The following PRKDC variants were observed in gnomAD, a reference collection of about 807,000 sequenced individuals.
PRKDC encodes protein kinase, DNA-activated, catalytic subunit, also known as DNA-dependent protein kinase catalytic subunit.
Under a neutral mutation model 486.9 loss-of-function variants are expected in PRKDC, and 82 were observed. The ratio of observed to expected loss-of-function variants is 0.17; its 90% CI spans 0.14 to 0.20. The LOEUF (loss-of-function observed/expected upper bound fraction) is 0.20, where lower values mean the gene tolerates loss of function less well. Ranked by LOEUF, PRKDC falls within the 10% of genes least tolerant of loss-of-function variation. PRKDC has a pLI of 1.00. For missense variants in PRKDC, 4,504 were observed against 5,038.2 expected (o/e 0.89, Z 3.21); for synonymous variants, 1,895 against 1,837.0 (o/e 1.03, Z -0.81).
chr8:47,894,751 A>G (rs1386109628), intron 30 of PRKDC, among the ~76,000 whole-genome samples: 1 of 152,182 alleles, frequency 6.6e-6, no homozygotes, highest in Non-Finnish European at 1.5e-5. Flanking sequence ...TGAGCTAAAG[A>G]GACACCTGAC....
chr8:47,897,396 T>C, intron 29 of PRKDC, 102 bp from the exon 30 acceptor site: 4 of 1,174,720 alleles, frequency 3.4e-6, no homozygotes, highest in Non-Finnish European at 4.5e-6. Flanking sequence ...CACAGATATA[T>C]GTAGAAATCT....
intron 49 of PRKDC, 95 bp from the exon 50 acceptor site, chr8:47,855,468 T>C (rs1283714786): frequency 5.4e-6 from 7 of 1,293,552 alleles, no homozygotes; most frequent in Non-Finnish European, 7.3e-6. Context: ...ATCTGGCATT[T>C]TACAGGAGTC....
At chr8:47,834,988 C>A (rs1407154439) in intron 58 of PRKDC, among the ~76,000 whole-genome samples, 3 of 152,056 alleles carry the variant, frequency 2.0e-5, no homozygotes, top group Admixed American at 2.0e-4. Flanking sequence ...CAGCGCCCGG[C>A]CCCCTGACTT....
At position 47,904,164 on chromosome 8, in the gene PRKDC, A is replaced by C. The variant is rs1277326137; in HGVS notation, c.3042+705T>G. Among the ~76,000 whole-genome samples the C allele has an allele frequency of 5.9e-5, 9 of 152,196 alleles. No individual in the cohort carries two copies. In the South Asian group the frequency reaches 1.9e-3, roughly 32 times the overall value. On this transcript the variant is annotated intron_variant, in intron 26 of 85. Coordinates refer to ENST00000314191, the MANE Select transcript of PRKDC (RefSeq NM_006904.7). The stretch of plus-strand genomic sequence containing the variant: ...TAAGACAATGCTTCTCCGTGTCAGG[A>C]GAGTTCTGTGTAAAAGGTGAACTGC...
chr8:47,858,195 GCTTTT>G (rs1374513307), intron 48 of PRKDC, among the ~76,000 whole-genome samples: 6 of 148,136 alleles, frequency 4.1e-5, no homozygotes, highest in African/African-American at 1.5e-4. Context: ...TCCACCCCCC[GCTTTT>G]TTTTTTCCTA....
chr8:47,868,463 C>A (rs892428643), intron 40 of PRKDC, among the ~76,000 whole-genome samples: 2 of 151,768 alleles, frequency 1.3e-5, no homozygotes, highest in Non-Finnish European at 2.9e-5. Flanking sequence ...AGCTACTAGG[C>A]AGGCTGAAGG....
chr8:47,823,870 C>T lies in PRKDC; in HGVS notation c.8910G>A (p.Lys2970=), dbSNP rs763115960. The T allele has an allele frequency of 6.2e-7, 1 of 1,613,774 alleles. No individual in the cohort carries two copies. The highest frequency in any genetic ancestry group is 8.5e-7 in the Non-Finnish European group (1 of 1,179,800). ...EARSDYSEAA[K]QYDEALNKQD... ...AGATCAATTTTACCTCATCATACTG[C>T]TTAGCAGCTTCAGAATAATCACTTC... Residue 2970 remains lysine, a synonymous_variant, in exon 64 of 86, where the codon AAG becomes AAA. Transcript: ENST00000314191.
intron 15 of PRKDC, 62 bp from the exon 16 acceptor site, chr8:47,933,234 A>G: frequency 1.5e-6 from 2 of 1,324,362 alleles, no homozygotes; most frequent in Non-Finnish European, 2.0e-6. Context: ...AGTATTTTAT[A>G]AGCATTAAGA....
chr8:47,885,788 A>T (rs561380169), intron 36 of PRKDC, among the ~76,000 whole-genome samples, 156 bp downstream of exon 36: 1 of 152,254 alleles, frequency 6.6e-6, no homozygotes, highest in African/African-American at 2.4e-5. Flanking sequence ...GCTACTCGGG[A>T]GGCTGAGGCA....
intron 76 of PRKDC, among the ~76,000 whole-genome samples, chr8:47,787,654 G>A (rs1344404662): frequency 6.6e-6 from 1 of 152,224 alleles, no homozygotes; most frequent in Non-Finnish European, 1.5e-5. Context: ...ATCAGGTGCT[G>A]CTGCAGGGGT....
At position 47,776,913 on chromosome 8, in the gene PRKDC, C is replaced by A. The variant is rs373421936; in HGVS notation, c.12113G>T (p.Trp4038Leu). The change falls in exon 85 of 86, where the codon TGG (tryptophan) becomes TTG (leucine). Residue 4038 changes from tryptophan to leucine, a missense_variant. Transcript: ENST00000314191. ...GTAACATATTTTCTGTCGGGGGTAC[C>A]AATTTTTTTCAGCAACATTTATTTC... ...IQEINVAEKNWYPRQKICYAK... is the reference protein window; with the variant it reads ...IQEINVAEKNLYPRQKICYAK... The A allele has an allele frequency of 6.2e-6, 10 of 1,613,718 alleles. No individual in the cohort carries two copies. The African/African-American group carries it at 1.3e-4, about 22-fold the overall frequency.
intron 74 of PRKDC, among the ~76,000 whole-genome samples, chr8:47,792,297 C>T (rs1361305983): frequency 6.9e-6 from 1 of 144,378 alleles, no homozygotes; most frequent in Non-Finnish European, 1.5e-5. Flanking sequence ...TTTGCTCTGT[C>T]ACCCAGGCTG....
rs536883713 is a variant in PRKDC, at chr8:47,877,641, C to CT, written c.5363+82dup. On this transcript the variant is annotated intron_variant, in intron 40 of 85. Transcript: ENST00000314191. Reference sequence around the variant, plus strand: ...TAGCAAGAATATAATTGCCACTCAGCTTTTTTTTTGGAACAGAGAGGATAA... The same window carrying CT: ...TAGCAAGAATATAATTGCCACTCAGCTTTTTTTTTTGGAACAGAGAGGATAA... The CT allele has an allele frequency of 2.0e-3, 2,537 of 1,249,100 alleles. 1 individual carries two copies. Among genetic ancestry groups the CT allele is most frequent in the South Asian group, 6.5e-3 (266 of 41,198 alleles). The allele number at this position is 1,249,100 out of a possible 1,614,324, so 77.4% of individuals were successfully genotyped here.
chr8:47,859,789 G>A (rs542284591), intron 45 of PRKDC, 30 bp from the exon 46 acceptor site: 12 of 1,565,978 alleles, frequency 7.7e-6, no homozygotes, highest in African/African-American at 4.1e-5. Flanking sequence ...AAAATTACAT[G>A]TATTCAAACA....
rs1247927212 is a variant in PRKDC at position 47,774,332 on chromosome 8, G to C, written c.12228C>G (p.Asp4076Glu). 1 of 1,613,558 alleles carries C rather than the reference G, an allele frequency of 6.2e-7. No homozygotes were observed. The change falls in exon 86 of 86, where the codon GAC (aspartate) becomes GAG (glutamate). Residue 4076 changes from aspartate (D) to glutamate (E), a missense_variant. This residue lies in a region of PRKDC where 706 missense variants were observed against 945.0 expected (regional missense o/e 0.75). Coordinates refer to ENST00000314191, the MANE Select transcript of PRKDC (RefSeq NM_006904.7). Reference sequence around the variant, plus strand: ...TGCTTCCTCGTGCCACAGCCACATAGTCTCTGAAGGCAGGGGCCTTCTCAT... The same window carrying C: ...TGCTTCCTCGTGCCACAGCCACATACTCTCTGAAGGCAGGGGCCTTCTCAT... Reference protein sequence around the residue: ...LGHEKAPAFRDYVAVARGSKD... With the variant: ...LGHEKAPAFREYVAVARGSKD...
intron 10 of PRKDC, 46 bp downstream of exon 10, chr8:47,943,163 T>C: frequency 1.3e-6 from 2 of 1,583,924 alleles, no homozygotes; most frequent in Non-Finnish European, 1.7e-6. Context: ...AATTTAATTC[T>C]GTGTGTGAAA....
intron 1 of PRKDC, 141 bp downstream of exon 1, chr8:47,959,832 T>C (rs942953125): frequency 2.2e-6 from 3 of 1,389,850 alleles, no homozygotes; most frequent in Non-Finnish European, 1.9e-6. Context: ...TTTATACACA[T>C]ACACAGAAAT....
At chr8:47,877,948 T>C in intron 39 of PRKDC, 97 bp from the exon 40 acceptor site, 4 of 875,302 alleles carry the variant, frequency 4.6e-6, no homozygotes, top group South Asian at 4.6e-5. Flanking sequence ...GTTTCTTATA[T>C]AATAAAAAAT....
At chr8:47,924,702 C>T (rs1413236091) in intron 21 of PRKDC, among the ~76,000 whole-genome samples, 1 of 152,130 alleles carries the variant, frequency 6.6e-6, no homozygotes, top group African/African-American at 2.4e-5. Flanking sequence ...CACAAACACA[C>T]ACTCTCTCTC....
Sources: allele counts gnomAD v4.1 joint callset (sites outside exome capture counted in the v4.1 genomes callset), GRCh38; gene constraint gnomAD v4.1.1; regional missense constraint gnomAD v4.1.1; transcripts MANE v1.5; gene names NCBI Gene and HGNC (gene_info 2026-07-23, HGNC 2026-07-21).